The following DPY19L4 variants were observed in gnomAD, a reference collection of about 807,000 sequenced individuals.
The protein encoded by DPY19L4 is probable C-mannosyltransferase DPY19L4.
A neutral mutation model predicts 102.8 loss-of-function variants in DPY19L4; 97 were observed. The ratio of observed to expected loss-of-function variants is 0.94; its 90% confidence interval spans 0.80 to 1.12. The LOEUF (loss-of-function observed/expected upper bound fraction) is 1.12. DPY19L4 is among the 50% of genes most tolerant of loss of function. The pLI, the probability that DPY19L4 is intolerant of heterozygous loss-of-function variation, is 0.00. For missense variants in DPY19L4, 815 were observed against 850.4 expected, an observed-to-expected ratio of 0.96 and a Z score of 0.52; for synonymous variants, 252 against 283.1, an observed-to-expected ratio of 0.89 and a Z score of 1.10.
At position 94,739,724 on chromosome 8, in the gene DPY19L4, C is replaced by T. The variant is rs1469554200; in HGVS notation, c.545C>T (p.Thr182Ile). The change falls in exon 6 of 19, where the codon ACA (threonine) becomes ATA (isoleucine). Residue 182 changes from threonine to isoleucine, a missense_variant. Thr to Ile is a moderately conservative substitution (Grantham distance 89). Transcript: ENST00000414645. ...QGIYVTALFV[T>I]SWLMSGTWLA... ...ATATATGTTACTGCTTTATTTGTTA[C>T]AAGTTGGCTTATGAGTGGAACATGG... is the stretch of plus-strand genomic sequence containing the variant. The T allele has an allele frequency of 6.2e-7, 1 of 1,613,504 alleles. No individual in the cohort carries two copies. The highest frequency in any genetic ancestry group is 1.1e-5 in the South Asian group (1 of 91,048).
intron 2 of DPY19L4, among the ~76,000 whole-genome samples, chr8:94,727,048 A>T (rs934636288): frequency 3.4e-4 from 51 of 152,126 alleles, no homozygotes; most frequent in African/African-American, 1.2e-3. Flanking sequence ...TTAATCTTGA[A>T]CCCAAAGGCT....
rs754492775 is a variant in DPY19L4 at position 94,765,263 on chromosome 8, A to G, written c.951A>G (p.Val317=). 6.2e-7 allele frequency: 1 copy of G among 1,609,868 alleles called. No homozygotes were observed. Among genetic ancestry groups the G allele is most frequent in the African/African-American group, 1.3e-5 (1 of 74,574 alleles). ...LLQFENPALL[V]SPLLSLVAAL... ...AGTTTGAGAATCCAGCTTTGTTGGT[A>G]TCTCCTTTATTAAGTTTAGTAGCAG... The change falls in exon 9 of 19, where the codon GTA becomes GTG. Residue 317 remains valine, a synonymous_variant. Coordinates refer to ENST00000414645, the MANE Select transcript of DPY19L4 (RefSeq NM_181787.3).
At chr8:94,765,676 C>T (rs536401633) in intron 9 of DPY19L4, 35 bp from the exon 10 acceptor site, 7 of 1,452,278 alleles carry the variant, frequency 4.8e-6, no homozygotes, top group African/African-American at 2.8e-5. Flanking sequence ...TTTTTAACAC[C>T]TCACTTCTTT....
intron 8 of DPY19L4, among the ~76,000 whole-genome samples, chr8:94,764,910 A>G (rs1183420963): frequency 6.7e-6 from 1 of 148,758 alleles, no homozygotes; most frequent in African/African-American, 2.5e-5. Context: ...TTTTGTTTTT[A>G]ATAGAGATGG....
At position 94,770,530 on chromosome 8, in the gene DPY19L4, T is replaced by C. The variant is rs1440390178; in HGVS notation, c.1413T>C (p.Ile471=). Residue 471 remains isoleucine, a synonymous_variant, in exon 13 of 19, where the codon ATT becomes ATC. Coordinates refer to ENST00000414645, the MANE Select transcript of DPY19L4 (RefSeq NM_181787.3). ...GERPEIIYHV[I]HTILLGSLAM... ...GACCAGAAATAATTTATCATGTAAT[T>C]CACACTATTTTATTGGGTTCTCTTG... 1 of 1,613,674 alleles carries C rather than the reference T, an allele frequency of 6.2e-7. No homozygotes were observed. The highest frequency in any genetic ancestry group is 8.5e-7 in the Non-Finnish European group (1 of 1,179,880).
rs1215219272 is a variant in DPY19L4, at chr8:94,780,366, T to C, written c.1583T>C (p.Ile528Thr). The change falls in exon 15 of 19, where the codon ATT becomes ACT. Residue 528 changes from isoleucine (I) to threonine (T), a missense_variant. Physicochemically the swap from Ile to Thr is moderately conservative, Grantham distance 89 (BLOSUM62 -1). Coordinates refer to ENST00000414645, the MANE Select transcript of DPY19L4 (RefSeq NM_181787.3). ...RTVHPILLALILSMAVPTIIG... is the reference protein window; with the variant it reads ...RTVHPILLALTLSMAVPTIIG... ...TTTGCTTTAATATTTTAGGCTCTTATTCTGAGCATGGCCGTGCCTACTATA... is the reference window on the plus strand; with the variant it reads ...TTTGCTTTAATATTTTAGGCTCTTACTCTGAGCATGGCCGTGCCTACTATA... 4 of 1,479,486 alleles carry C rather than the reference T, an allele frequency of 2.7e-6. No individual in the cohort carries two copies. The South Asian group carries it at 4.7e-5, about 17-fold the overall frequency. 91.6% of individuals were successfully genotyped at this position (1,479,486 alleles called of 1,614,324 possible). A position where few individuals can be genotyped will look rare whatever the true frequency, so the allele number is the denominator to read the frequency against.
chr8:94,743,696 A>G (rs1290352548), intron 6 of DPY19L4, among the ~76,000 whole-genome samples: 1 of 152,098 alleles, frequency 6.6e-6, no homozygotes, highest in Non-Finnish European at 1.5e-5. Flanking sequence ...TATTTAAAAT[A>G]TAGACTTTCT....
At chr8:94,752,789 G>A (rs1422850563) in intron 6 of DPY19L4, among the ~76,000 whole-genome samples, 3 of 150,030 alleles carry the variant, frequency 2.0e-5, no homozygotes, top group Admixed American at 6.7e-5. Context: ...CTCAGCCTCC[G>A]GAGTAGCTGG....
At chr8:94,787,336 C>A (rs1000336843) in intron 17 of DPY19L4, among the ~76,000 whole-genome samples, 2 of 152,084 alleles carry the variant, frequency 1.3e-5, no homozygotes, top group African/African-American at 2.4e-5. Context: ...GAGACACTTC[C>A]TCTTGATGTA....
intron 13 of DPY19L4, 106 bp downstream of exon 13, chr8:94,770,677 C>G (rs181662393): frequency 9.1e-6 from 13 of 1,427,706 alleles, no homozygotes; most frequent in Non-Finnish European, 9.6e-6. Context: ...GCGGGTGGCT[C>G]ACCTGAGTTC....
chr8:94,758,216 G>A (rs1426421781), intron 7 of DPY19L4, among the ~76,000 whole-genome samples: 1 of 151,634 alleles, frequency 6.6e-6, no homozygotes, highest in Admixed American at 6.6e-5. Flanking sequence ...CCAGACTGGA[G>A]TGCGGTGGCG....
In DPY19L4 at chr8:94,780,377, G is replaced by A. The variant is rs1410858901; in HGVS notation, c.1594G>A (p.Ala532Thr). Residue 532 changes from alanine to threonine, a missense_variant, in exon 15 of 19, where the codon GCC (alanine) becomes ACC (threonine). Ala to Thr is a moderately conservative substitution (Grantham distance 58). Coordinates refer to ENST00000414645, the MANE Select transcript of DPY19L4 (RefSeq NM_181787.3). ...PILLALILSM[A>T]VPTIIGLSLW... ...ATTTTAGGCTCTTATTCTGAGCATGGCCGTGCCTACTATAATAGGTCTCAG... is the reference window on the plus strand; with the variant it reads ...ATTTTAGGCTCTTATTCTGAGCATGACCGTGCCTACTATAATAGGTCTCAG... 2.0e-6 allele frequency: 3 copies of A among 1,486,354 alleles called. No homozygotes were observed. Among genetic ancestry groups the A allele is most frequent in the Non-Finnish European group, 1.8e-6 (2 of 1,103,428 alleles). 92.1% of individuals were successfully genotyped at this position (1,486,354 alleles called of 1,614,324 possible).
intron 13 of DPY19L4, among the ~76,000 whole-genome samples, chr8:94,774,579 C>CTT (rs1218454912): frequency 1.5e-5 from 2 of 132,898 alleles, no homozygotes; most frequent in Non-Finnish European, 3.2e-5. Flanking sequence ...CCACTTCTTT[C>CTT]TTTTTTTTTT....
intron 10 of DPY19L4, 59 bp downstream of exon 10, chr8:94,765,868 C>A: frequency 1.8e-6 from 2 of 1,094,274 alleles, no homozygotes; most frequent in Non-Finnish European, 2.7e-6. Flanking sequence ...ATATATTGGA[C>A]TACATTTTAA....
rs114032889 is a variant in DPY19L4, at chr8:94,754,425, A to T, written c.612-1611A>T. Among the ~76,000 whole-genome samples, 1,356 of 152,158 alleles carry T rather than the reference A, an allele frequency of 8.9e-3. 17 individuals carry two copies. The highest frequency in any genetic ancestry group is 0.031 in the African/African-American group (1,282 of 41,508). ...TGGTCTGTGAGGATGTAACATTTGT[A>T]ATTTTGATTATTTGCAAACAATTCA... On this transcript the variant is annotated intron_variant, in intron 6 of 18. Transcript: ENST00000414645.
chr8:94,755,915 T>A (rs1477011619), intron 6 of DPY19L4, 121 bp from the exon 7 acceptor site: 5 of 1,040,748 alleles, frequency 4.8e-6, no homozygotes, highest in Non-Finnish European at 6.8e-6. Context: ...TGGATCTGGC[T>A]ATGCCTACCT....
In DPY19L4 at chr8:94,756,293, A is replaced by G. The variant is rs571914369; in HGVS notation, c.735+134A>G. ...TGAAGCCTGGTTACTACATAATAAA[A>G]GATATAGTTAGGTAGTTTTCTTACA... On this transcript the variant is annotated intron_variant, in intron 7 of 18. Coordinates refer to ENST00000414645, the MANE Select transcript of DPY19L4 (RefSeq NM_181787.3). 6 of 1,218,112 alleles carry G rather than the reference A, an allele frequency of 4.9e-6. No homozygotes were observed. The East Asian group carries it at 1.6e-4, about 32-fold the overall frequency. The allele number at this position is 1,218,112 out of a possible 1,614,324, so 75.5% of individuals were successfully genotyped here.
intron 17 of DPY19L4, among the ~76,000 whole-genome samples, chr8:94,786,847 C>T (rs1325338246): frequency 3.3e-5 from 5 of 152,114 alleles, no homozygotes; most frequent in Non-Finnish European, 5.9e-5. Context: ...TGCGCCTGGC[C>T]AACCATATCA....
rs1304289764 is a variant in DPY19L4 at position 94,785,057 on chromosome 8, TA to T, written c.1848+1257del. 3.9e-5 allele frequency among the ~76,000 whole-genome samples: 6 copies of T among 152,308 alleles called. No individual in the cohort carries two copies. In the East Asian group the frequency reaches 1.2e-3, roughly 29 times the overall value. On this transcript the variant is annotated intron_variant, in intron 17 of 18. Transcript: ENST00000414645. ...ATTCTAAGTTAAGGAAGAAATACAG[TA>T]ATATAGAGATTAAGAATGCAGACTC...
Sources: gnomAD v4.1 joint callset for allele counts (sites outside exome capture counted in the v4.1 genomes callset) on GRCh38, gnomAD v4.1.1 for gene constraint, MANE v1.5 for transcripts, NCBI Gene and HGNC (gene_info 2026-07-23, HGNC 2026-07-21) for gene names.